The following PACRG variants were observed in gnomAD, a reference collection of about 807,000 sequenced individuals.
PACRG encodes the protein parkin coregulated gene protein.
In PACRG, 29 loss-of-function variants were observed where a neutral mutation model predicts 29.7. The observed-to-expected ratio is 0.98, with a 90% confidence interval of 0.73 to 1.33. PACRG has a LOEUF of 1.33. Among genes scored for constraint, PACRG ranks in the 40% most tolerant of loss-of-function variants. The probability of loss-of-function intolerance (pLI) is 0.00; values close to 1 mark genes in which losing one functional copy is unlikely to be tolerated. For synonymous variants in PACRG, 116 were observed against 118.7 expected, an observed-to-expected ratio of 0.98 and a Z score of 0.15; for missense variants, 279 against 316.2, an observed-to-expected ratio of 0.88 and a Z score of 0.89.
At position 163,279,338 on chromosome 6, in the gene PACRG, G is replaced by A. The variant is rs1159330071; in HGVS notation, c.614-35489G>A. On this transcript the variant is annotated intron_variant, in intron 4 of 4. Transcript: ENST00000366888. Reference sequence around the variant, plus strand: ...TGGATGCCCTTTATTTCTTTCTCTTGTCTGATTGCTCTGGCTAGGACTTCC... The same window carrying A: ...TGGATGCCCTTTATTTCTTTCTCTTATCTGATTGCTCTGGCTAGGACTTCC... 4.7e-4 allele frequency among the ~76,000 whole-genome samples: 71 copies of A among 152,084 alleles called. 1 individual carries two copies. The highest frequency in any genetic ancestry group is 7.4e-5 in the Non-Finnish European group (5 of 68,022).
At chr6:162,999,708 T>C (rs1804409465) in intron 2 of PACRG, among the ~76,000 whole-genome samples, 1 of 152,250 alleles carries the variant, frequency 6.6e-6, no homozygotes, top group Admixed American at 6.5e-5. Context: ...AAGTCTGTTC[T>C]TCCCAGGCAA....
rs370616018 is a variant in PACRG at position 163,062,241 on chromosome 6, G to A, written c.383G>A (p.Arg128Gln). Residue 128 changes from arginine to glutamine, a missense_variant, in exon 3 of 5, where the codon CGG (arginine) becomes CAG (glutamine). By Grantham distance (43) the Arg-to-Gln change is conservative. Coordinates refer to ENST00000366888, the MANE Select transcript of PACRG (RefSeq NM_001080379.2). ...EMTFPYEFFA[R>Q]QGIHDMLEHG... ...ACATTTCCCTATGAGTTTTTTGCTC[G>A]GCAAGGAATCCACGACATGCTGGAA... 1.9e-5 allele frequency: 30 copies of A among 1,613,788 alleles called. No homozygotes were observed. The highest frequency in any genetic ancestry group is 6.7e-5 in the East Asian group (3 of 44,894).
intron 4 of PACRG, among the ~76,000 whole-genome samples, chr6:163,209,050 G>C (rs1585334219): frequency 6.6e-6 from 1 of 152,286 alleles, no homozygotes; most frequent in Middle Eastern, 3.4e-3. Context: ...TAATCTATAG[G>C]CTGGCACTCA....
chr6:162,864,335 T>C (rs1352062504), intron 2 of PACRG, among the ~76,000 whole-genome samples: 3 of 152,230 alleles, frequency 2.0e-5, no homozygotes, highest in African/African-American at 4.8e-5. Flanking sequence ...CAGAGTAGAG[T>C]TGGAAAAATA....
At chr6:162,961,229 G>A (rs1257056378) in intron 2 of PACRG, among the ~76,000 whole-genome samples, 2 of 152,202 alleles carry the variant, frequency 1.3e-5, no homozygotes, top group Non-Finnish European at 2.9e-5. Flanking sequence ...TACTTTCACA[G>A]TTTCAGGGGT....
intron 2 of PACRG, among the ~76,000 whole-genome samples, chr6:162,996,547 G>A (rs916102457): frequency 6.6e-6 from 1 of 151,958 alleles, no homozygotes; most frequent in Non-Finnish European, 1.5e-5. Context: ...CAAACTAGGG[G>A]AATGGCTAAT....
intron 1 of PACRG, among the ~76,000 whole-genome samples, chr6:162,807,819 T>G (rs1267123210): frequency 6.6e-6 from 1 of 152,192 alleles, no homozygotes; most frequent in Non-Finnish European, 1.5e-5. Context: ...TTCAATTTAC[T>G]AAATAAACAC....
rs79275939 is a variant in PACRG, at chr6:163,264,813, G to T, written c.614-50014G>T. ...AATTGATAAGGGAGAAGCTGCCTCT[G>T]CCAAAACCAATCTGGCAACTGTGCA... is the stretch of plus-strand genomic sequence containing the variant. On this transcript the variant is annotated intron_variant, in intron 4 of 4. Transcript: ENST00000366888. Among the ~76,000 whole-genome samples, 605 of 152,236 alleles carry T rather than the reference G, an allele frequency of 4.0e-3. 3 individuals carry two copies. Among genetic ancestry groups the T allele is most frequent in the African/African-American group, 0.014 (577 of 41,532 alleles).
intron 4 of PACRG, chr6:163,170,851 C>T (rs1277238231): frequency 6.6e-6 from 1 of 152,208 alleles, no homozygotes; most frequent in East Asian, 1.9e-4. Flanking sequence ...TTCATTCTCC[C>T]ACTCCTTTTC....
intron 4 of PACRG, among the ~76,000 whole-genome samples, chr6:163,314,036 G>A (rs527525128): frequency 1.6e-4 from 24 of 152,310 alleles, no homozygotes; most frequent in Admixed American, 1.2e-3. Flanking sequence ...CTGTGGTGTA[G>A]AGGAGAGGCT....
At chr6:163,176,504 A>T (rs761621) in intron 4 of PACRG, among the ~76,000 whole-genome samples, 5 of 152,048 alleles carry the variant, frequency 3.3e-5, no homozygotes, top group African/African-American at 9.7e-5. Flanking sequence ...ATTTATTGAA[A>T]CCTACCAGGC....
At chr6:162,944,423 A>C (rs979306857) in intron 2 of PACRG, among the ~76,000 whole-genome samples, 1 of 152,184 alleles carries the variant, frequency 6.6e-6, no homozygotes, top group Non-Finnish European at 1.5e-5. Flanking sequence ...AAAGTGGGGA[A>C]CTATGACACC....
intron 4 of PACRG, among the ~76,000 whole-genome samples, chr6:163,237,157 T>C (rs1039255929): frequency 6.6e-6 from 1 of 152,190 alleles, no homozygotes; most frequent in African/African-American, 2.4e-5. Context: ...ATATTTCCTT[T>C]AATTACTTAG....
At chr6:163,252,161 G>A (rs1316787763) in intron 4 of PACRG, among the ~76,000 whole-genome samples, 1 of 152,230 alleles carries the variant, frequency 6.6e-6, no homozygotes, top group East Asian at 1.9e-4. Context: ...CGGGTGCACT[G>A]CATCTCACAG....
At position 162,885,606 on chromosome 6, in the gene PACRG, A is replaced by G. The variant is rs374199954; in HGVS notation, c.291+71325A>G. Among the ~76,000 whole-genome samples the G allele has an allele frequency of 5.9e-5, 9 of 152,088 alleles. 1 individual carries two copies. Among genetic ancestry groups the G allele is most frequent in the Admixed American group, 5.9e-4 (9 of 15,268 alleles). ...GTCTTTGAACAGAAACATGTATAAAACTGAATTATGTATTGATCGTTGATG... is the reference window on the plus strand; with the variant it reads ...GTCTTTGAACAGAAACATGTATAAAGCTGAATTATGTATTGATCGTTGATG... On this transcript the variant is annotated intron_variant, in intron 2 of 4. Transcript: ENST00000366888.
chr6:163,063,878 C>T (rs1054536294), intron 3 of PACRG, among the ~76,000 whole-genome samples: 6 of 152,112 alleles, frequency 3.9e-5, no homozygotes, highest in Non-Finnish European at 8.8e-5. Context: ...TGTAGCGTCC[C>T]GAGCCACGTT....
At chr6:163,205,356 T>G (rs1393873956) in intron 4 of PACRG, among the ~76,000 whole-genome samples, 1 of 152,076 alleles carries the variant, frequency 6.6e-6, no homozygotes, top group African/African-American at 2.4e-5. Flanking sequence ...TGTACTGGTA[T>G]AAAAACAGAC....
chr6:163,301,075 G>A (rs977131029), intron 4 of PACRG, among the ~76,000 whole-genome samples: 5 of 148,014 alleles, frequency 3.4e-5, no homozygotes, highest in Non-Finnish European at 7.5e-5. Flanking sequence ...GCTGCTTCCC[G>A]TGAGTTTAGT....
chr6:163,281,006 C>T (rs1003003261), intron 4 of PACRG, among the ~76,000 whole-genome samples: 5 of 152,048 alleles, frequency 3.3e-5, no homozygotes, highest in East Asian at 1.9e-4. Context: ...TGCTCCTTCC[C>T]GTCAGATTAT....
Sources: allele counts gnomAD v4.1 joint callset (sites outside exome capture counted in the v4.1 genomes callset), GRCh38; gene constraint gnomAD v4.1.1; transcripts MANE v1.5; gene names NCBI Gene and HGNC (gene_info 2026-07-23, HGNC 2026-07-21).